The following CCSER1 variants were observed in gnomAD, a reference collection of about 807,000 sequenced individuals.
CCSER1 encodes coiled-coil serine rich protein 1.
CCSER1 carries 41 observed loss-of-function variants against 82.0 expected under a neutral mutation model. The ratio of observed to expected loss-of-function variants is 0.50; its 90% confidence interval spans 0.39 to 0.65. The LOEUF (loss-of-function observed/expected upper bound fraction) is 0.65. Ranked by LOEUF, CCSER1 falls within the 30% of genes least tolerant of loss-of-function variation. The pLI is 0.00. For synonymous variants in CCSER1, 414 were observed against 383.9 expected (o/e 1.08, Z -0.92); for missense variants, 1,119 against 1,064.2 (o/e 1.05, Z -0.72).
intron 5 of CCSER1, among the ~76,000 whole-genome samples, chr4:90,570,406 C>T (rs1377133531): frequency 6.6e-6 from 1 of 152,100 alleles, no homozygotes; most frequent in Non-Finnish European, 1.5e-5. Flanking sequence ...GTGGGCACTA[C>T]ACTAGTTACA....
At chr4:90,473,644 T>C (rs1033501731) in intron 5 of CCSER1, among the ~76,000 whole-genome samples, 1 of 152,192 alleles carries the variant, frequency 6.6e-6, no homozygotes, top group African/African-American at 2.4e-5. Flanking sequence ...GCTTAAAGTT[T>C]TGTCAGCTCT....
chr4:91,597,196 G>T (rs1468309266), intron 10 of CCSER1, among the ~76,000 whole-genome samples: 3 of 151,962 alleles, frequency 2.0e-5, no homozygotes, highest in Non-Finnish European at 4.4e-5. Flanking sequence ...ATCAAACTCT[G>T]TGCTACAATT....
At chr4:90,295,241 A>G (rs1373707247) in intron 1 of CCSER1, among the ~76,000 whole-genome samples, 1 of 152,000 alleles carries the variant, frequency 6.6e-6, no homozygotes, top group Non-Finnish European at 1.5e-5. Context: ...TTCATTTTAT[A>G]CTTTGATAAA....
chr4:90,846,976 G>A (rs978989444), intron 8 of CCSER1, among the ~76,000 whole-genome samples: 1 of 152,064 alleles, frequency 6.6e-6, no homozygotes, highest in Non-Finnish European at 1.5e-5. Context: ...TTTATTATGT[G>A]TTAGTCTTAA....
intron 3 of CCSER1, among the ~76,000 whole-genome samples, chr4:90,389,377 GTA>G (rs1750603666): frequency 6.6e-6 from 1 of 152,122 alleles, no homozygotes; most frequent in Non-Finnish European, 1.5e-5. Flanking sequence ...ACATTCCTCT[GTA>G]TTACATATGA....
Position 91,601,457 on chromosome 4 carries a change from A to T in CCSER1, c.*2400A>T, listed in dbSNP as rs1471967988. 5.3e-5 allele frequency: 8 copies of T among 152,070 alleles called. No homozygotes were observed. Among genetic ancestry groups the T allele is most frequent in the Non-Finnish European group, 1.0e-4 (7 of 67,944 alleles). 9.4% of individuals were successfully genotyped at this position (152,070 alleles called of 1,614,324 possible). A position where few individuals can be genotyped will look rare whatever the true frequency, so the allele number is the denominator to read the frequency against. Reference sequence around the variant, plus strand: ...TCAGGCCTGGAGAAGGTGTAAGCCCACTATGCTAATGTACATCAGTAACTG... The same window carrying T: ...TCAGGCCTGGAGAAGGTGTAAGCCCTCTATGCTAATGTACATCAGTAACTG... On this transcript the variant is annotated 3_prime_UTR_variant, in exon 11 of 11. Transcript: ENST00000509176.
chr4:91,326,588 T>C (rs896848394), intron 10 of CCSER1, among the ~76,000 whole-genome samples: 6 of 152,118 alleles, frequency 3.9e-5, no homozygotes, highest in Non-Finnish European at 7.4e-5. Context: ...CCAAATTCCA[T>C]GTCCTTCTCT....
At chr4:91,430,028 T>C (rs1450373951) in intron 10 of CCSER1, among the ~76,000 whole-genome samples, 4 of 152,062 alleles carry the variant, frequency 2.6e-5, no homozygotes, top group Non-Finnish European at 5.9e-5. Flanking sequence ...TTAGCTTTCA[T>C]TGTTTATATC....
rs770320334 is a variant in CCSER1 at position 90,391,444 on chromosome 4, GTATATATATATATATATATA to G, written c.1510-8569_1510-8550del. ...ACCCTATATATATAAATATATGGGG[GTATATATATATATATATATA>G]TATATATATATATATATATATACAC... On this transcript the variant is annotated intron_variant, in intron 3 of 10. Transcript: ENST00000509176. 7.5e-3 allele frequency among the ~76,000 whole-genome samples: 281 copies of G among 37,500 alleles called. 3 individuals are homozygous for G. The highest frequency in any genetic ancestry group is 0.024 in the African/African-American group (231 of 9,788). 24.6% of individuals were successfully genotyped at this position (37,500 alleles called of 152,430 possible).
intron 6 of CCSER1, among the ~76,000 whole-genome samples, chr4:90,659,550 A>T (rs984371517): frequency 5.3e-5 from 8 of 151,976 alleles, no homozygotes; most frequent in African/African-American, 1.7e-4. Flanking sequence ...ATACTTCCAA[A>T]CCATGTATTG....
At chr4:90,866,126 C>G (rs2150008668) in intron 8 of CCSER1, among the ~76,000 whole-genome samples, 1 of 152,026 alleles carries the variant, frequency 6.6e-6, no homozygotes, top group South Asian at 2.1e-4. Flanking sequence ...TTGGGTATTA[C>G]AATTCAACAT....
intron 10 of CCSER1, among the ~76,000 whole-genome samples, chr4:91,471,311 C>T (rs1757258792): frequency 6.6e-6 from 1 of 152,130 alleles, no homozygotes; most frequent in Non-Finnish European, 1.5e-5. Context: ...AAATACTATG[C>T]TGTGGAAACC....
At chr4:90,137,267 T>G (rs995065459) in intron 1 of CCSER1, among the ~76,000 whole-genome samples, 17 of 152,226 alleles carry the variant, frequency 1.1e-4, no homozygotes, top group African/African-American at 3.9e-4. Flanking sequence ...AGAAACATTA[T>G]GACTAAAATT....
intron 10 of CCSER1, among the ~76,000 whole-genome samples, chr4:91,462,318 T>C (rs532206285): frequency 2.2e-4 from 34 of 152,310 alleles, no homozygotes; most frequent in African/African-American, 8.2e-4. Context: ...TGAAGCTCTC[T>C]TCTAAAACTT....
chr4:90,930,708 C>T (rs1050599641), intron 9 of CCSER1, among the ~76,000 whole-genome samples: 1 of 151,598 alleles, frequency 6.6e-6, no homozygotes, highest in Admixed American at 6.6e-5. Context: ...TGAAGTATCT[C>T]TCATTATCTG....
At chr4:90,814,427 G>A (rs1758739859) in intron 7 of CCSER1, among the ~76,000 whole-genome samples, 1 of 152,136 alleles carries the variant, frequency 6.6e-6, no homozygotes, top group Non-Finnish European at 1.5e-5. Context: ...CATTACTTAG[G>A]CAATTTTCTG....
chr4:90,895,887 G>A (rs1430789478), intron 8 of CCSER1, among the ~76,000 whole-genome samples: 2 of 151,778 alleles, frequency 1.3e-5, no homozygotes, highest in Admixed American at 1.3e-4. Flanking sequence ...ATTTATAAGG[G>A]ACCAATGAAA....
At chr4:91,477,132 C>T (rs140128342) in intron 10 of CCSER1, among the ~76,000 whole-genome samples, 15,848 of 151,532 alleles carry the variant, frequency 0.1, 987 homozygotes, top group Middle Eastern at 0.19. Context: ...GAAGAGACAA[C>T]CCACAGAATG....
rs182198777 is a variant in CCSER1 at position 90,926,258 on chromosome 4, A to T, written c.2172+2811A>T. ...TATTTATAACTTGCAAATTGTGTTT[A>T]TTCAAAAACAAGAAACATCTCGTGG... On this transcript the variant is annotated intron_variant, in intron 9 of 10. Transcript: ENST00000509176. Among the ~76,000 whole-genome samples, 1,187 of 152,100 alleles carry T rather than the reference A, an allele frequency of 7.8e-3. 11 individuals are homozygous for T. The highest frequency in any genetic ancestry group is 0.028 in the African/African-American group (1,154 of 41,546).
Sources: gnomAD v4.1 joint callset for allele counts (sites outside exome capture counted in the v4.1 genomes callset) on GRCh38, gnomAD v4.1.1 for gene constraint, MANE v1.5 for transcripts, NCBI Gene and HGNC (gene_info 2026-07-23, HGNC 2026-07-21) for gene names.